Variants in MAGI1 observed in about 807,000 individuals in gnomAD.
The protein encoded by MAGI1 is membrane associated guanylate kinase, WW and PDZ domain containing 1, also known as membrane-associated guanylate kinase, WW and PDZ domain-containing protein 1.
MAGI1 carries 58 observed loss-of-function variants against 139.9 expected under a neutral mutation model. The ratio of observed to expected loss-of-function variants is 0.41; its 90% CI spans 0.34 to 0.52. The LOEUF (loss-of-function observed/expected upper bound fraction) is 0.52, where lower values mean the gene tolerates loss of function less well. Ranked by LOEUF, MAGI1 falls within the 20% of genes least tolerant of loss-of-function variation. The pLI, the probability that MAGI1 is intolerant of heterozygous loss-of-function variation, is 0.12. For missense variants in MAGI1, 1,874 were observed against 1,901.6 expected (o/e 0.99, Z 0.27); for synonymous variants, 812 against 737.9 (o/e 1.10, Z -1.63).
intron 1 of MAGI1, among the ~76,000 whole-genome samples, chr3:65,740,761 G>C (rs1014688249): frequency 3.9e-5 from 6 of 152,100 alleles, no homozygotes; most frequent in Non-Finnish European, 8.8e-5. Flanking sequence ...GTCAGGTCGT[G>C]AAAAAATACA....
At chr3:65,622,303 G>A (rs2083723383) in intron 1 of MAGI1, among the ~76,000 whole-genome samples, 1 of 152,158 alleles carries the variant, frequency 6.6e-6, no homozygotes, top group African/African-American at 2.4e-5. Context: ...TTAATTTAGA[G>A]ATCCTATCTC....
rs781460712 is a variant in MAGI1 at position 65,379,350 on chromosome 3, T to C, written c.2906A>G (p.Tyr969Cys). 1 of 1,613,346 alleles carries C rather than the reference T, an allele frequency of 6.2e-7. No homozygotes were observed. Among genetic ancestry groups the C allele is most frequent in the South Asian group, 1.1e-5 (1 of 90,994 alleles). ...CTCCCCGCGCCGGATCTCCACGTCG[T>C]AGGGCTGCACCACGGTGCTGACCAC... ...SGVVSTVVQPYDVEIRRGENE... is the reference protein window; with the variant it reads ...SGVVSTVVQPCDVEIRRGENE... Residue 969 changes from tyrosine to cysteine, a missense_variant, in exon 17 of 23, where the codon TAC becomes TGC. By Grantham distance (194) the Tyr-to-Cys change is radical. Around this residue, in one of 5 missense-constraint regions of MAGI1, gnomAD observed 482 missense variants for 509.6 expected, o/e 0.95. Coordinates refer to ENST00000402939, the MANE Select transcript of MAGI1 (RefSeq NM_001033057.2).
Position 65,448,058 on chromosome 3 carries a change from C to T in MAGI1, c.1043-1G>A. On this transcript the variant is annotated splice_acceptor_variant, in intron 6 of 22. Coordinates refer to ENST00000402939, the MANE Select transcript of MAGI1 (RefSeq NM_001033057.2). LOFTEE classifies it high-confidence loss of function. Reference sequence around the variant, plus strand: ...TCCAGCTCCTCGGTGTGTACCCCTTCTTCTCCAAAGGAATAGCAGGAATGA... The same window carrying T: ...TCCAGCTCCTCGGTGTGTACCCCTTTTTCTCCAAAGGAATAGCAGGAATGA... The T allele has an allele frequency of 6.2e-7, 1 of 1,614,052 alleles. No individual in the cohort carries two copies. The highest frequency in any genetic ancestry group is 8.5e-7 in the Non-Finnish European group (1 of 1,179,962).
intron 1 of MAGI1, among the ~76,000 whole-genome samples, chr3:65,921,954 A>ACT (rs1045380055): frequency 6.7e-6 from 1 of 148,640 alleles, no homozygotes; most frequent in African/African-American, 2.5e-5. Flanking sequence ...ACACACACAC[A>ACT]CTACACAAAA....
intron 1 of MAGI1, among the ~76,000 whole-genome samples, chr3:65,703,323 G>C (rs1309506560): frequency 6.6e-6 from 1 of 152,188 alleles, no homozygotes; most frequent in East Asian, 1.9e-4. Context: ...TGACTGGCCA[G>C]TCAATTGTCT....
At chr3:65,645,302 G>A (rs887016876) in intron 1 of MAGI1, among the ~76,000 whole-genome samples, 3 of 152,058 alleles carry the variant, frequency 2.0e-5, no homozygotes, top group African/African-American at 7.2e-5. Context: ...TGAAAGCAGT[G>A]AGAGAAATAC....
chr3:65,721,741 T>C (rs1036307110), intron 1 of MAGI1, among the ~76,000 whole-genome samples: 1 of 152,166 alleles, frequency 6.6e-6, no homozygotes, highest in African/African-American at 2.4e-5. Context: ...CTCCAAAGAA[T>C]GTGACAATGA....
intron 2 of MAGI1, among the ~76,000 whole-genome samples, chr3:65,511,857 T>C (rs2077616629): frequency 8.7e-6 from 1 of 115,254 alleles, no homozygotes; most frequent in East Asian, 3.1e-4. Context: ...TATACATTTT[T>C]TTCAGCACCA....
chr3:65,597,609 C>T (rs2082277432), intron 2 of MAGI1: 1 of 441,374 alleles, frequency 2.3e-6, no homozygotes, highest in Non-Finnish European at 4.6e-6. Flanking sequence ...TCTCCCCGCC[C>T]CTCCTCCCTG....
intron 1 of MAGI1, among the ~76,000 whole-genome samples, chr3:65,738,311 A>G (rs1329419964): frequency 6.6e-6 from 1 of 152,232 alleles, no homozygotes; most frequent in African/African-American, 2.4e-5. Context: ...TGCTAGGACT[A>G]TAGGCATGGG....
At chr3:65,361,478 A>C (rs929359214) in intron 21 of MAGI1, 141 bp from the exon 22 acceptor site, 1 of 724,828 alleles carries the variant, frequency 1.4e-6, no homozygotes, top group Non-Finnish European at 2.2e-6. Flanking sequence ...CCTCATGGAG[A>C]TTATATTCTA....
chr3:65,944,757 T>C (rs1056272248), intron 1 of MAGI1, among the ~76,000 whole-genome samples: 1 of 152,112 alleles, frequency 6.6e-6, no homozygotes, highest in Non-Finnish European at 1.5e-5. Context: ...AACAAAGATA[T>C]ATGTCTAAAT....
chr3:65,537,033 T>G (rs1400389724), intron 2 of MAGI1, among the ~76,000 whole-genome samples: 1 of 152,180 alleles, frequency 6.6e-6, no homozygotes, highest in Non-Finnish European at 1.5e-5. Context: ...ATGGAATGAA[T>G]TTTAAGTGAA....
At chr3:65,454,782 T>C (rs1015180277) in intron 5 of MAGI1, among the ~76,000 whole-genome samples, 1 of 150,604 alleles carries the variant, frequency 6.6e-6, no homozygotes, top group Admixed American at 6.6e-5. Flanking sequence ...ATACACGTCA[T>C]ATCAACTGTG....
At chr3:65,388,834 ATT>A (rs35579495) in intron 14 of MAGI1, among the ~76,000 whole-genome samples, 3 of 91,936 alleles carry the variant, frequency 3.3e-5, no homozygotes, top group African/African-American at 9.7e-5. Context: ...ACCATTCCGA[ATT>A]TTTTTTTTTT....
chr3:65,736,398 A>G (rs534639254), intron 1 of MAGI1, among the ~76,000 whole-genome samples: 33 of 152,318 alleles, frequency 2.2e-4, no homozygotes, highest in African/African-American at 7.7e-4. Flanking sequence ...ATACAGATAT[A>G]TAAGAAGAAG....
chr3:65,934,848 A>G (rs564498952), intron 1 of MAGI1, among the ~76,000 whole-genome samples: 2 of 152,082 alleles, frequency 1.3e-5, no homozygotes, highest in African/African-American at 2.4e-5. Flanking sequence ...GCAAACATCA[A>G]TAAGTAATCT....
chr3:65,565,098 A>C (rs2080549540), intron 2 of MAGI1, among the ~76,000 whole-genome samples: 1 of 152,160 alleles, frequency 6.6e-6, no homozygotes, highest in African/African-American at 2.4e-5. Context: ...CAGCATACAC[A>C]CGGGTGCACA....
intron 6 of MAGI1, among the ~76,000 whole-genome samples, chr3:65,449,749 T>C (rs539129940): frequency 6.6e-6 from 1 of 152,248 alleles, no homozygotes; most frequent in South Asian, 2.1e-4. Flanking sequence ...CACTCCAGCC[T>C]GGGTAACAGG....
Sources: allele counts gnomAD v4.1 joint callset (sites outside exome capture counted in the v4.1 genomes callset), GRCh38; gene constraint gnomAD v4.1.1; regional missense constraint gnomAD v4.1.1; transcripts MANE v1.5; gene names NCBI Gene and HGNC (gene_info 2026-07-23, HGNC 2026-07-21).